The following ARHGEF6 variants were observed in gnomAD, a reference collection of about 807,000 sequenced individuals.
ARHGEF6 encodes Rac/Cdc42 guanine nucleotide exchange factor 6.
A neutral mutation model predicts 70.3 loss-of-function variants in ARHGEF6; 9 were observed. The ratio of observed to expected loss-of-function variants is 0.13; its 90% CI spans 0.08 to 0.22. ARHGEF6 has a LOEUF of 0.22. Among genes scored for constraint, ARHGEF6 ranks in the 10% least tolerant of loss-of-function variants. The pLI is 1.00. For missense variants in ARHGEF6, 470 were observed against 563.0 expected, an observed-to-expected ratio of 0.83 and a Z score of 1.67; for synonymous variants, 201 against 207.8, an observed-to-expected ratio of 0.97 and a Z score of 0.28.
In ARHGEF6 at chrX:136,679,718, A is replaced by G; in HGVS notation, c.1705-58T>C. 4.2e-6 allele frequency: 5 copies of G among 1,187,006 alleles called. No homozygotes were observed. In the South Asian group the frequency reaches 8.9e-5, roughly 21 times the overall value. ...TGCCATCTGAACCCGACCTTGTGCC[A>G]CACAGTGAGAGAACAACAATAGCTT... On this transcript the variant is annotated intron_variant, in intron 15 of 21. Coordinates refer to ENST00000250617, the MANE Select transcript of ARHGEF6 (RefSeq NM_004840.3).
chrX:136,667,953 C>A lies in ARHGEF6; in HGVS notation c.*76G>T. 1 of 1,162,437 alleles carries A rather than the reference C, an allele frequency of 8.6e-7. No individual in the cohort carries two copies. The highest frequency in any genetic ancestry group is 1.2e-6 in the Non-Finnish European group (1 of 852,909). On this transcript the variant is annotated 3_prime_UTR_variant, in exon 22 of 22. Transcript: ENST00000250617. ...ACAAAACAAAAGCCAAAGAAGTGAG[C>A]AAACTGAGTCAAATCATTCAGCGGG...
At chrX:136,735,430 G>A (rs1008170667) in intron 5 of ARHGEF6, among the ~76,000 whole-genome samples, 1 of 110,876 alleles carries the variant, frequency 9.0e-6, no homozygotes, top group Non-Finnish European at 1.9e-5. Flanking sequence ...GAGAAGGAAT[G>A]AATATGTGGA....
At chrX:136,670,612 G>A (rs1286927201) in intron 20 of ARHGEF6, among the ~76,000 whole-genome samples, 1 of 111,113 alleles carries the variant, frequency 9.0e-6, no homozygotes, top group Non-Finnish European at 1.9e-5. Context: ...TCTGCTCTCT[G>A]TTTTTAGGAG....
intron 6 of ARHGEF6, among the ~76,000 whole-genome samples, chrX:136,726,829 T>C (rs2076857564): frequency 8.9e-6 from 1 of 112,495 alleles, no homozygotes; most frequent in Non-Finnish European, 1.9e-5. Flanking sequence ...ATCCCCAGAG[T>C]TGAATATTAG....
At chrX:136,752,337 A>G (rs2148667537) in intron 2 of ARHGEF6, among the ~76,000 whole-genome samples, 1 of 112,055 alleles carries the variant, frequency 8.9e-6, no homozygotes, top group Admixed American at 9.4e-5. Flanking sequence ...AAAAGAGGGG[A>G]AAAGCTACAC....
At chrX:136,686,172 C>G (rs1052186883) in intron 11 of ARHGEF6, among the ~76,000 whole-genome samples, 6 of 112,536 alleles carry the variant, frequency 5.3e-5, no homozygotes, top group African/African-American at 1.9e-4. Flanking sequence ...AGATTCAGAT[C>G]TACTGGTTGG....
chrX:136,770,861 G>A (rs1361753769), intron 2 of ARHGEF6, among the ~76,000 whole-genome samples: 2 of 111,725 alleles, frequency 1.8e-5, no homozygotes, highest in Non-Finnish European at 3.8e-5. Context: ...GCCAAGCATG[G>A]TGCTCCACAC....
intron 5 of ARHGEF6, among the ~76,000 whole-genome samples, chrX:136,740,617 T>G (rs957968977): frequency 9.0e-6 from 1 of 110,854 alleles, no homozygotes; most frequent in African/African-American, 3.3e-5. Context: ...TAGGAGAAAT[T>G]TTAAAATGAA....
intron 6 of ARHGEF6, among the ~76,000 whole-genome samples, chrX:136,728,880 T>C (rs1013700618): frequency 9.1e-6 from 1 of 110,004 alleles, no homozygotes. Flanking sequence ...AGCTCTCTGG[T>C]TCCCAGGCCT....
At chrX:136,773,142 C>T (rs998349328) in intron 2 of ARHGEF6, among the ~76,000 whole-genome samples, 1 of 111,319 alleles carries the variant, frequency 9.0e-6, no homozygotes, top group African/African-American at 3.3e-5. Context: ...CTCAATTTGT[C>T]GGTACGGTGC....
chrX:136,745,416 A>G, intron 3 of ARHGEF6, 69 bp from the exon 4 acceptor site: 1 of 1,147,875 alleles, frequency 8.7e-7, no homozygotes, highest in Non-Finnish European at 1.2e-6. Context: ...GCATAACATT[A>G]TCTTTCTCAG....
intron 9 of ARHGEF6, among the ~76,000 whole-genome samples, chrX:136,695,156 AG>A: frequency 8.9e-6 from 1 of 112,314 alleles, no homozygotes; most frequent in Non-Finnish European, 1.9e-5. Context: ...TGCCTTTAAT[AG>A]GTCAGCATAA....
chrX:136,700,509 A>G (rs746906535), intron 9 of ARHGEF6, among the ~76,000 whole-genome samples: 13 of 110,980 alleles, frequency 1.2e-4, no homozygotes, highest in African/African-American at 3.9e-4. Context: ...CCTGGGAGAC[A>G]GTGAGACAAA....
chrX:136,716,628 T>A (rs2076739583), intron 6 of ARHGEF6, among the ~76,000 whole-genome samples: 1 of 112,045 alleles, frequency 8.9e-6, no homozygotes, highest in African/African-American at 3.2e-5. Flanking sequence ...CATCAGAACT[T>A]AAGTCAGGTA....
chrX:136,745,778 A>C, intron 3 of ARHGEF6, among the ~76,000 whole-genome samples: 1 of 112,146 alleles, frequency 8.9e-6, no homozygotes, highest in Admixed American at 9.5e-5. Flanking sequence ...ACACGTAACA[A>C]TATGTGTGGC....
At chrX:136,733,841 T>C (rs944492196) in intron 5 of ARHGEF6, among the ~76,000 whole-genome samples, 1 of 111,982 alleles carries the variant, frequency 8.9e-6, no homozygotes, top group Admixed American at 9.5e-5. Context: ...CCTGTGTTCC[T>C]AACCAATATG....
At chrX:136,718,638 G>C (rs1930985709) in intron 6 of ARHGEF6, among the ~76,000 whole-genome samples, 1 of 111,129 alleles carries the variant, frequency 9.0e-6, no homozygotes, top group South Asian at 3.7e-4. Context: ...TTTATGCATA[G>C]CTTTTTAGAA....
Position 136,710,330 on chromosome X carries a change from C to CATATATATATATAT in ARHGEF6, c.828-1574_828-1561dup, listed in dbSNP as rs59532724. 1.5e-3 allele frequency among the ~76,000 whole-genome samples: 129 copies of CATATATATATATAT among 87,548 alleles called. 2 individuals are homozygous for CATATATATATATAT. The East Asian group carries it at 0.027, about 18-fold the overall frequency. 76.0% of individuals were successfully genotyped at this position (87,548 alleles called of 115,157 possible). A position where few individuals can be genotyped will look rare whatever the true frequency, so the allele number is the denominator to read the frequency against. On this transcript the variant is annotated intron_variant, in intron 7 of 21. Coordinates refer to ENST00000250617, the MANE Select transcript of ARHGEF6 (RefSeq NM_004840.3). ...TATAATATATATATTATATATTATA[C>CATATATATATATAT]ATATATATATATATATATATATAGA...
Position 136,723,919 on chromosome X carries a change from G to A in ARHGEF6, c.732+8183C>T, listed in dbSNP as rs1416558170. ...CACTTCAGCTGGGCGACAGAGGGAG[G>A]GTCTGTCTCAAAAAATATAAAAATA... On this transcript the variant is annotated intron_variant, in intron 6 of 21. Transcript: ENST00000250617. 2.7e-5 allele frequency among the ~76,000 whole-genome samples: 3 copies of A among 109,430 alleles called. No individual in the cohort carries two copies. The East Asian group carries it at 8.5e-4, about 31-fold the overall frequency.
Sources: allele counts gnomAD v4.1 joint callset (sites outside exome capture counted in the v4.1 genomes callset), GRCh38; gene constraint gnomAD v4.1.1; transcripts MANE v1.5; gene names NCBI Gene and HGNC (gene_info 2026-07-23, HGNC 2026-07-21).